The following PCDH15 variants were observed in gnomAD, a reference collection of about 807,000 sequenced individuals.
PCDH15 encodes protocadherin related 15.
A neutral mutation model predicts 178.5 loss-of-function variants in PCDH15; 129 were observed. The ratio of observed to expected loss-of-function variants is 0.72; its 90% CI spans 0.63 to 0.84. The LOEUF (loss-of-function observed/expected upper bound fraction) is 0.84. Ranked by LOEUF, PCDH15 falls within the 40% of genes least tolerant of loss-of-function variation. The pLI, the probability that PCDH15 is intolerant of heterozygous loss-of-function variation, is 0.00. For missense variants in PCDH15, 2,230 were observed against 2,099.9 expected (o/e 1.06, Z -1.21); for synonymous variants, 800 against 732.0 (o/e 1.09, Z -1.50).
At chr10:54,511,873 A>T (rs1392841909) in intron 3 of PCDH15, among the ~76,000 whole-genome samples, 2 of 151,214 alleles carry the variant, frequency 1.3e-5, no homozygotes, top group African/African-American at 2.4e-5. Flanking sequence ...GTGAGTGCTT[A>T]TTTTTTTTTC....
chr10:54,989,128 G>A (rs1839442921), intron 2 of PCDH15, among the ~76,000 whole-genome samples: 1 of 152,172 alleles, frequency 6.6e-6, no homozygotes, highest in South Asian at 2.1e-4. Flanking sequence ...GTGCCTTCAA[G>A]TGCGTAGAAT....
intron 2 of PCDH15, among the ~76,000 whole-genome samples, chr10:55,589,041 A>G (rs1182389660): frequency 6.8e-6 from 1 of 146,908 alleles, no homozygotes; most frequent in Non-Finnish European, 1.5e-5. Context: ...AGATCCCACC[A>G]ATGCACTTCA....
intron 2 of PCDH15, among the ~76,000 whole-genome samples, chr10:54,546,661 G>A (rs180870407): frequency 8.0e-4 from 122 of 152,084 alleles, no homozygotes; most frequent in African/African-American, 2.8e-3. Context: ...ACAATATAAC[G>A]TAAGAAACAC....
rs563750367 is a variant in PCDH15, at chr10:54,931,220, C to G, written c.-79-33720G>C. ...TGGGTTTTATCATTCTGATACATTC[C>G]TGCTTGTCATTTTGCAAGTGTTTTC... On this transcript the variant is annotated intron_variant, in intron 2 of 5. Transcript: ENST00000458638. Among the ~76,000 whole-genome samples the G allele has an allele frequency of 9.9e-5, 15 of 152,280 alleles. No homozygotes were observed. The South Asian group carries it at 3.1e-3, about 32-fold the overall frequency.
chr10:54,909,070 A>G (rs1240086142), intron 2 of PCDH15, among the ~76,000 whole-genome samples: 1 of 152,150 alleles, frequency 6.6e-6, no homozygotes, highest in East Asian at 1.9e-4. Context: ...TTGTTCCATC[A>G]TCTCCTTGAG....
chr10:55,557,975 C>T (rs1007962551), intron 2 of PCDH15, among the ~76,000 whole-genome samples: 1 of 152,068 alleles, frequency 6.6e-6, no homozygotes, highest in African/African-American at 2.4e-5. Flanking sequence ...TCTTTAATCT[C>T]GTGTTAATGC....
chr10:54,789,387 T>C (rs1386379846), intron 1 of PCDH15, among the ~76,000 whole-genome samples: 8 of 151,902 alleles, frequency 5.3e-5, no homozygotes, highest in Non-Finnish European at 8.8e-5. Flanking sequence ...TCAACATCTA[T>C]GTTCAATATT....
chr10:54,494,127 C>T (rs899552571), intron 3 of PCDH15, among the ~76,000 whole-genome samples: 26 of 151,426 alleles, frequency 1.7e-4, no homozygotes, highest in African/African-American at 6.1e-4. Flanking sequence ...AGGAGATATA[C>T]CTAATGCTAA....
chr10:54,562,434 T>C (rs1022292780), intron 2 of PCDH15, among the ~76,000 whole-genome samples: 3 of 152,118 alleles, frequency 2.0e-5, no homozygotes, highest in African/African-American at 7.2e-5. Context: ...GAGAAAACAA[T>C]ACATTGTGCA....
chr10:55,358,299 T>C (rs1451736195), intron 2 of PCDH15, among the ~76,000 whole-genome samples: 1 of 152,136 alleles, frequency 6.6e-6, no homozygotes, highest in Non-Finnish European at 1.5e-5. Context: ...TTTGCATGAT[T>C]CTCTATTAGC....
At position 55,167,727 on chromosome 10, in the gene PCDH15, G is replaced by A. The variant is rs186216761; in HGVS notation, c.-155-1076C>T. Among the ~76,000 whole-genome samples the A allele has an allele frequency of 4.9e-4, 75 of 152,082 alleles. 1 individual carries two copies. In the East Asian group the frequency reaches 9.1e-3, roughly 18 times the overall value. On this transcript the variant is annotated intron_variant, in intron 1 of 5. Transcript: ENST00000458638. The stretch of plus-strand genomic sequence containing the variant: ...TATTTTGTTTCAAACACACAAACAT[G>A]TAGAATATAAAATTGACAGATGCAT...
chr10:54,248,894 A>C, intron 8 of PCDH15, among the ~76,000 whole-genome samples: 1 of 151,410 alleles, frequency 6.6e-6, no homozygotes, highest in East Asian at 1.9e-4. Context: ...AATCATCTAG[A>C]GACATTTTGA....
intron 2 of PCDH15, among the ~76,000 whole-genome samples, chr10:55,069,442 A>C (rs1206936930): frequency 6.0e-5 from 5 of 82,746 alleles, no homozygotes; most frequent in East Asian, 4.0e-4. Context: ...CCCACCCCAC[A>C]ACAGTCCCCA....
At chr10:55,554,856 C>T (rs61851672) in intron 2 of PCDH15, among the ~76,000 whole-genome samples, 3,683 of 152,044 alleles carry the variant, frequency 0.024, 60 homozygotes, top group South Asian at 0.041. Flanking sequence ...TGTCCTTAAG[C>T]TCTTCTTGGC....
At chr10:55,137,260 C>T (rs1253779839) in intron 2 of PCDH15, among the ~76,000 whole-genome samples, 5 of 152,192 alleles carry the variant, frequency 3.3e-5, no homozygotes, top group African/African-American at 1.2e-4. Context: ...GCCATATTTG[C>T]CATATTTTTA....
rs116001555 is a variant in PCDH15 at position 55,113,856 on chromosome 10, C to T, written c.-80+52720G>A. ...GGTATGTAGATCTTGTATTATCCTGCACCTCTCCCACATACTGTCATGCCA... is the reference window on the plus strand; with the variant it reads ...GGTATGTAGATCTTGTATTATCCTGTACCTCTCCCACATACTGTCATGCCA... On this transcript the variant is annotated intron_variant, in intron 2 of 5. Transcript: ENST00000458638. 8.2e-3 allele frequency among the ~76,000 whole-genome samples: 1,249 copies of T among 152,208 alleles called. 15 individuals carry two copies. The highest frequency in any genetic ancestry group is 0.027 in the African/African-American group (1,122 of 41,500).
intron 3 of PCDH15, among the ~76,000 whole-genome samples, chr10:54,807,633 T>A (rs1952799433): frequency 6.6e-6 from 1 of 150,382 alleles, no homozygotes; most frequent in Non-Finnish European, 1.5e-5. Context: ...GCCTCTTAGA[T>A]TTCTTGAGTC....
chr10:54,706,900 G>A (rs1378313120), intron 1 of PCDH15, among the ~76,000 whole-genome samples: 1 of 152,114 alleles, frequency 6.6e-6, no homozygotes, highest in Non-Finnish European at 1.5e-5. Flanking sequence ...GGGATTACAG[G>A]CATGAGCCAT....
intron 2 of PCDH15, among the ~76,000 whole-genome samples, chr10:55,104,342 A>G (rs1842631769): frequency 6.6e-6 from 1 of 152,102 alleles, no homozygotes; most frequent in Non-Finnish European, 1.5e-5. Context: ...TGTTATCTTG[A>G]CATTTCTTTA....
Sources: allele counts gnomAD v4.1 joint callset (sites outside exome capture counted in the v4.1 genomes callset), GRCh38; gene constraint gnomAD v4.1.1; transcripts MANE v1.5; gene names NCBI Gene and HGNC (gene_info 2026-07-23, HGNC 2026-07-21).